The following SLC9A9 variants were observed in gnomAD, a reference collection of about 807,000 sequenced individuals.
SLC9A9 encodes solute carrier family 9 member A9, also known as sodium/hydrogen exchanger 9.
Under a neutral mutation model 77.8 loss-of-function variants are expected in SLC9A9, and 62 were observed. The observed-to-expected ratio is 0.80, with a 90% CI of 0.65 to 0.98. The LOEUF is 0.98. Among genes scored for constraint, SLC9A9 ranks in the 50% least tolerant of loss-of-function variants. The pLI, the probability that SLC9A9 is intolerant of heterozygous loss-of-function variation, is 0.00. For synonymous variants in SLC9A9, 320 were observed against 283.5 expected, an observed-to-expected ratio of 1.13 and a Z score of -1.29; for missense variants, 775 against 774.9, an observed-to-expected ratio of 1.00 and a Z score of 0.00.
chr3:143,573,071 C>A (rs2037293122), intron 8 of SLC9A9, among the ~76,000 whole-genome samples: 1 of 152,150 alleles, frequency 6.6e-6, no homozygotes. Context: ...GTAAACTGGG[C>A]ATAGTCTTTT....
At chr3:143,373,831 A>G (rs2033113296) in intron 13 of SLC9A9, among the ~76,000 whole-genome samples, 1 of 152,128 alleles carries the variant, frequency 6.6e-6, no homozygotes, top group Non-Finnish European at 1.5e-5. Context: ...AAAAAATATT[A>G]AGTAGCCTAA....
intron 4 of SLC9A9, among the ~76,000 whole-genome samples, chr3:143,790,812 T>A (rs2008195360): frequency 6.6e-6 from 1 of 152,250 alleles, no homozygotes; most frequent in Non-Finnish European, 1.5e-5. Context: ...TTAAAATTAA[T>A]TCTCCATTCC....
At chr3:143,517,435 C>T in intron 9 of SLC9A9, 1 of 1,593,126 alleles carries the variant, frequency 6.3e-7, no homozygotes. Context: ...CTTCCTCCCT[C>T]TGGGCTCTCT....
In SLC9A9 at chr3:143,521,426, T is replaced by C. The variant is rs529585093; in HGVS notation, c.1090-25978A>G. Among the ~76,000 whole-genome samples, 7 of 152,300 alleles carry C rather than the reference T, an allele frequency of 4.6e-5. No homozygotes were observed. In the South Asian group the frequency reaches 1.5e-3, roughly 32 times the overall value. On this transcript the variant is annotated intron_variant, in intron 9 of 15. Transcript: ENST00000316549. ...GAATTCAATAAGTTCCATACATATA[T>C]GCGCTTTTCTTCATGTATAATTCAA... is the stretch of plus-strand genomic sequence containing the variant.
At chr3:143,422,575 T>C (rs894664039) in intron 12 of SLC9A9, among the ~76,000 whole-genome samples, 3 of 151,968 alleles carry the variant, frequency 2.0e-5, no homozygotes, top group South Asian at 2.1e-4. Flanking sequence ...ATGGGAACAA[T>C]AGACACTGGA....
At chr3:143,529,195 T>C (rs1406073946) in intron 9 of SLC9A9, among the ~76,000 whole-genome samples, 1 of 152,154 alleles carries the variant, frequency 6.6e-6, no homozygotes, top group Non-Finnish European at 1.5e-5. Flanking sequence ...GAAATGCCCC[T>C]CTGGGAGGAA....
chr3:143,694,903 T>A (rs1363380739), intron 4 of SLC9A9, among the ~76,000 whole-genome samples: 3 of 152,146 alleles, frequency 2.0e-5, no homozygotes, highest in East Asian at 3.9e-4. Flanking sequence ...CAATCCATAA[T>A]GGTTTAGAGC....
At chr3:143,576,029 A>G (rs749306422) in intron 7 of SLC9A9, among the ~76,000 whole-genome samples, 2 of 152,122 alleles carry the variant, frequency 1.3e-5, no homozygotes, top group African/African-American at 4.8e-5. Context: ...CAGACTTCCA[A>G]TCTCCAGGAA....
intron 6 of SLC9A9, among the ~76,000 whole-genome samples, chr3:143,626,605 G>A (rs1171383160): frequency 1.8e-4 from 28 of 151,796 alleles, no homozygotes; most frequent in Admixed American, 6.6e-5. Flanking sequence ...ATCACACACC[G>A]GGGCTTGTTG....
chr3:143,520,535 C>G (rs969801793), intron 9 of SLC9A9, among the ~76,000 whole-genome samples: 2 of 152,286 alleles, frequency 1.3e-5, no homozygotes, highest in East Asian at 3.9e-4. Context: ...AGATAGTTAA[C>G]AAATAGATCT....
chr3:143,540,709 T>A (rs900707105), intron 9 of SLC9A9, among the ~76,000 whole-genome samples: 2 of 152,206 alleles, frequency 1.3e-5, no homozygotes, highest in African/African-American at 4.8e-5. Flanking sequence ...AACAACGAGT[T>A]GTGATGCACT....
intron 6 of SLC9A9, among the ~76,000 whole-genome samples, chr3:143,650,965 C>G (rs2038786016): frequency 6.6e-6 from 1 of 152,184 alleles, no homozygotes; most frequent in African/African-American, 2.4e-5. Context: ...CCAAACCTTT[C>G]CTGGTTGTGT....
At chr3:143,632,801 A>C (rs942567508) in intron 6 of SLC9A9, among the ~76,000 whole-genome samples, 1 of 152,196 alleles carries the variant, frequency 6.6e-6, no homozygotes, top group Non-Finnish European at 1.5e-5. Context: ...CTGATTTGAT[A>C]ATCTGTTCCT....
intron 9 of SLC9A9, among the ~76,000 whole-genome samples, chr3:143,510,642 C>T (rs1412491969): frequency 6.6e-6 from 1 of 152,188 alleles, no homozygotes; most frequent in Non-Finnish European, 1.5e-5. Flanking sequence ...TACTTTATCT[C>T]TTTAAGGATA....
intron 14 of SLC9A9, among the ~76,000 whole-genome samples, chr3:143,304,430 T>A (rs2030682806): frequency 6.6e-6 from 1 of 152,190 alleles, no homozygotes; most frequent in Non-Finnish European, 1.5e-5. Context: ...GACAAGGAAC[T>A]GAGAGAGGAA....
chr3:143,390,151 A>C (rs1291327193), intron 12 of SLC9A9, among the ~76,000 whole-genome samples: 1 of 152,242 alleles, frequency 6.6e-6, no homozygotes. Flanking sequence ...AAGGTTGCCC[A>C]TATGCCATTT....
intron 9 of SLC9A9, among the ~76,000 whole-genome samples, chr3:143,534,910 T>G (rs1334958014): frequency 2.6e-5 from 4 of 152,214 alleles, no homozygotes; most frequent in East Asian, 1.9e-4. Flanking sequence ...AAACAGTCAC[T>G]TTTTTGTACT....
chr3:143,816,565 T>A lies in SLC9A9; in HGVS notation c.378+15454A>T, dbSNP rs954154670. 3.3e-5 allele frequency among the ~76,000 whole-genome samples: 5 copies of A among 152,258 alleles called. No individual in the cohort carries two copies. The South Asian group carries it at 1.0e-3, about 32-fold the overall frequency. On this transcript the variant is annotated intron_variant, in intron 2 of 15. Coordinates refer to ENST00000316549, the MANE Select transcript of SLC9A9 (RefSeq NM_173653.4). ...AATGTTCTATGGGATGAACATATCATGATTTGATTTTTTTCCCTTCTCTTG... is the reference window on the plus strand; with the variant it reads ...AATGTTCTATGGGATGAACATATCAAGATTTGATTTTTTTCCCTTCTCTTG...
At position 143,292,130 on chromosome 3, in the gene SLC9A9, G is replaced by C. The variant is rs978835391; in HGVS notation, c.1605-23150C>G. Among the ~76,000 whole-genome samples, 2 of 152,214 alleles carry C rather than the reference G, an allele frequency of 1.3e-5. 1 individual carries two copies. The highest frequency in any genetic ancestry group is 4.1e-4 in the South Asian group (2 of 4,828). Reference sequence around the variant, plus strand: ...AGAAGCCTCTCCATTGAGCTTGTGGGATGAGGACACAGAGCCAGAGGCCTT... The same window carrying C: ...AGAAGCCTCTCCATTGAGCTTGTGGCATGAGGACACAGAGCCAGAGGCCTT... On this transcript the variant is annotated intron_variant, in intron 14 of 15. Coordinates refer to ENST00000316549, the MANE Select transcript of SLC9A9 (RefSeq NM_173653.4).
Sources: allele counts gnomAD v4.1 joint callset (sites outside exome capture counted in the v4.1 genomes callset), GRCh38; gene constraint gnomAD v4.1.1; transcripts MANE v1.5; gene names NCBI Gene and HGNC (gene_info 2026-07-23, HGNC 2026-07-21).